NOTCH2: variants seen among roughly 807,000 people sequenced by gnomAD.
NOTCH2 encodes the protein notch receptor 2, also known as neurogenic locus notch homolog protein 2.
A neutral mutation model predicts 235.8 loss-of-function variants in NOTCH2; 29 were observed. The ratio of observed to expected loss-of-function variants is 0.12; its 90% CI spans 0.09 to 0.17. The LOEUF (loss-of-function observed/expected upper bound fraction) is 0.17. NOTCH2 is among the 10% of genes least tolerant of loss of function. NOTCH2 has a pLI of 1.00. For missense variants in NOTCH2, 2,285 were observed against 3,150.2 expected (o/e 0.73, Z 6.57); for synonymous variants, 1,086 against 1,141.5 (o/e 0.95, Z 0.98).
chr1:119,996,026 T>C (rs1293599178), intron 4 of NOTCH2: 4 of 153,090 alleles, frequency 2.6e-5, no homozygotes, highest in African/African-American at 7.2e-5. Flanking sequence ...ACTTAGCACA[T>C]TACTCCCCCC....
chr1:120,045,475 A>C (rs1472096621), intron 1 of NOTCH2, among the ~76,000 whole-genome samples: 2 of 144,110 alleles, frequency 1.4e-5, no homozygotes, highest in African/African-American at 5.7e-5. Flanking sequence ...GACTTTAAAA[A>C]AAAAAAAAAA....
intron 5 of NOTCH2, among the ~76,000 whole-genome samples, chr1:119,980,989 T>G (rs587661065): frequency 6.6e-6 from 1 of 152,280 alleles, no homozygotes; most frequent in Admixed American, 6.5e-5. Context: ...TTCTCATACT[T>G]CGGGTCCAAA....
rs587763970 is a variant in NOTCH2, at chr1:119,982,814, C to A, written c.874+4146G>T. 3.9e-4 allele frequency among the ~76,000 whole-genome samples: 59 copies of A among 152,292 alleles called. 1 individual carries two copies. Among genetic ancestry groups the A allele is most frequent in the East Asian group, 1.2e-3 (6 of 5,186 alleles). On this transcript the variant is annotated intron_variant, in intron 5 of 33. Transcript: ENST00000256646. ...ACAAGAGTGGTAGTTTTTGAAGGCA[C>A]AAACAAACACTAATTAGACAGCCAC...
At chr1:119,922,853 G>A (rs1433114585) in intron 26 of NOTCH2, 75 bp from the exon 27 acceptor site, 6 of 1,585,242 alleles carry the variant, frequency 3.8e-6, no homozygotes, top group African/African-American at 1.3e-5. Context: ...GGCAGAACAT[G>A]TCATAAAGGG....
chr1:119,952,011 CAAAT>C (rs1425104114), intron 14 of NOTCH2, among the ~76,000 whole-genome samples: 2 of 152,276 alleles, frequency 1.3e-5, no homozygotes, highest in East Asian at 1.9e-4. Flanking sequence ...TTCAAGTAAT[CAAAT>C]AAAGTGGCTC....
chr1:120,067,645 T>C (rs1242493116), intron 1 of NOTCH2, among the ~76,000 whole-genome samples: 3 of 152,216 alleles, frequency 2.0e-5, no homozygotes, highest in African/African-American at 7.2e-5. Context: ...CCAAGGATTA[T>C]TACCCTCAGA....
rs587745950 is a variant in NOTCH2 at position 119,956,985 on chromosome 1, C to T, written c.2027-1753G>A. On this transcript the variant is annotated intron_variant, in intron 12 of 33. Coordinates refer to ENST00000256646, the MANE Select transcript of NOTCH2 (RefSeq NM_024408.4). ...AATGAGAAGTTACCCAGTGTTTCTTCTGACTTAGGCACTCAATAAATTGGT... is the reference window on the plus strand; with the variant it reads ...AATGAGAAGTTACCCAGTGTTTCTTTTGACTTAGGCACTCAATAAATTGGT... Among the ~76,000 whole-genome samples, 6 of 152,350 alleles carry T rather than the reference C, an allele frequency of 3.9e-5. No individual in the cohort carries two copies. In the East Asian group the frequency reaches 7.7e-4, roughly 20 times the overall value.
intron 1 of NOTCH2, among the ~76,000 whole-genome samples, chr1:120,065,622 G>C (rs587677896): frequency 6.6e-6 from 1 of 152,210 alleles, no homozygotes; most frequent in East Asian, 1.9e-4. Context: ...CTCCTACAAG[G>C]TCACCAAACC....
chr1:119,961,431 T>C (rs979905201), intron 11 of NOTCH2, among the ~76,000 whole-genome samples: 33 of 152,218 alleles, frequency 2.2e-4, no homozygotes, highest in African/African-American at 7.7e-4. Context: ...TTTATTTGAG[T>C]AGGAAAAGAT....
rs965464952 is a variant in NOTCH2 at position 119,960,731 on chromosome 1, T to C, written c.1916-1229A>G. ...ATCTGTCACCCAGACTGGAGAGCAA[T>C]GACACGAGCACAGCTCCCTGCAACC... On this transcript the variant is annotated intron_variant, in intron 11 of 33. Transcript: ENST00000256646. Among the ~76,000 whole-genome samples the C allele has an allele frequency of 7.2e-5, 11 of 152,130 alleles. No individual in the cohort carries two copies. In the South Asian group the frequency reaches 1.2e-3, roughly 17 times the overall value.
intron 2 of NOTCH2, among the ~76,000 whole-genome samples, chr1:120,025,760 T>C (rs1653815155): frequency 1.1e-5 from 1 of 91,184 alleles, no homozygotes; most frequent in East Asian, 2.7e-4. Flanking sequence ...GTCCTTAAAA[T>C]ACATATTTTG....
chr1:119,963,748 G>A lies in NOTCH2; in HGVS notation c.1741C>T (p.His581Tyr), dbSNP rs2101137257. 1 of 1,614,146 alleles carries A rather than the reference G, an allele frequency of 6.2e-7. No homozygotes were observed. The highest frequency in any genetic ancestry group is 8.5e-7 in the Non-Finnish European group (1 of 1,180,000). ...IDNCDPDPCH[H>Y]GQCQDGIDSY... ...TCAATACCATCCTGACACTGACCAT[G>A]GTGGCAAGGATCGGGGTCACAGTTG... is the stretch of plus-strand genomic sequence containing the variant. Residue 581 changes from histidine (H) to tyrosine (Y), a missense_variant, in exon 11 of 34, where the codon CAT becomes TAT. Coordinates refer to ENST00000256646, the MANE Select transcript of NOTCH2 (RefSeq NM_024408.4).
intron 5 of NOTCH2, among the ~76,000 whole-genome samples, chr1:119,986,446 A>G (rs781802806): frequency 3.9e-5 from 6 of 152,202 alleles, no homozygotes; most frequent in Non-Finnish European, 8.8e-5. Flanking sequence ...GAAAAAAACA[A>G]ATGTAGGATG....
At chr1:119,977,901 G>A (rs1288212214) in intron 5 of NOTCH2, among the ~76,000 whole-genome samples, 1 of 152,058 alleles carries the variant, frequency 6.6e-6, no homozygotes, top group Non-Finnish European at 1.5e-5. Context: ...CAAACACAAT[G>A]TGCCAGGCTC....
At chr1:119,924,582 A>G (rs587708297) in intron 25 of NOTCH2, among the ~76,000 whole-genome samples, 2 of 152,254 alleles carry the variant, frequency 1.3e-5, no homozygotes, top group South Asian at 4.2e-4. Flanking sequence ...AACCTAAATG[A>G]TGTACAAACT....
rs999822357 is a variant in NOTCH2, at chr1:119,922,344, C to T, written c.5105G>A (p.Arg1702Gln). The change falls in exon 28 of 34, where the codon CGA (arginine) becomes CAA (glutamine). Residue 1702 changes from arginine (R) to glutamine (Q), a missense_variant. Coordinates refer to ENST00000256646, the MANE Select transcript of NOTCH2 (RefSeq NM_024408.4). ...IILLGVIMAK[R>Q]KRKHGSLWLP... ...CCAGAGAGAGCCATGCTTACGCTTT[C>T]GTTTTGCCATGATTACCCCCAGCAG... is the stretch of plus-strand genomic sequence containing the variant. 5.6e-6 allele frequency: 9 copies of T among 1,613,980 alleles called. No homozygotes were observed. The African/African-American group carries it at 6.7e-5, about 12-fold the overall frequency.
chr1:120,048,156 A>G (rs1553213946), intron 1 of NOTCH2, among the ~76,000 whole-genome samples: 2 of 145,038 alleles, frequency 1.4e-5, no homozygotes, highest in African/African-American at 5.3e-5. Context: ...CCAAGAAAAT[A>G]GTAGCTTACC....
At position 120,069,400 on chromosome 1, in the gene NOTCH2, C is replaced by T. The variant is rs782113557; in HGVS notation, c.7G>A (p.Ala3Thr). The T allele has an allele frequency of 3.9e-6, 6 of 1,546,476 alleles. No individual in the cohort carries two copies. In the East Asian group the frequency reaches 7.2e-5, roughly 19 times the overall value. Residue 3 changes from alanine to threonine, a missense_variant, in exon 1 of 34, where the codon GCC becomes ACC. By Grantham distance (58) the Ala-to-Thr change is moderately conservative (BLOSUM62 0). This residue lies in a region of NOTCH2 where 37 missense variants were observed against 31.4 expected (regional missense o/e 1.18). Coordinates refer to ENST00000256646, the MANE Select transcript of NOTCH2 (RefSeq NM_024408.4). MP[A>T]LRPALLWALL... ...GCCCACAGCAGAGCGGGGCGCAGGG[C>T]GGGCATCTTCTCGGTCGCCTCCTCC...
chr1:119,952,443 T>C (rs1650515929), intron 14 of NOTCH2, among the ~76,000 whole-genome samples: 1 of 152,160 alleles, frequency 6.6e-6, no homozygotes, highest in South Asian at 2.1e-4. Flanking sequence ...GTGGGAGCCC[T>C]GAGCTTGTTT....
Sources: gnomAD v4.1 joint callset for allele counts (sites outside exome capture counted in the v4.1 genomes callset) on GRCh38, gnomAD v4.1.1 for gene constraint, gnomAD v4.1.1 regional missense constraint, MANE v1.5 for transcripts, NCBI Gene and HGNC (gene_info 2026-07-23, HGNC 2026-07-21) for gene names.